The following FAM186B variants were observed in gnomAD, a reference collection of about 807,000 sequenced individuals.
FAM186B encodes the protein family with sequence similarity 186 member B.
A neutral mutation model predicts 83.4 loss-of-function variants in FAM186B; 68 were observed. The observed-to-expected ratio is 0.81, with a 90% CI of 0.67 to 1.00. FAM186B has a LOEUF of 1.00. Ranked by LOEUF, FAM186B falls within the 50% of genes least tolerant of loss-of-function variation. FAM186B has a pLI of 0.00. For synonymous variants in FAM186B, 389 were observed against 422.0 expected (o/e 0.92, Z 0.96); for missense variants, 983 against 1,099.2 (o/e 0.89, Z 1.49).
intron 5 of FAM186B, among the ~76,000 whole-genome samples, chr12:49,594,866 C>T (rs1297006811): frequency 6.7e-6 from 1 of 149,552 alleles, no homozygotes; most frequent in Non-Finnish European, 1.5e-5. Context: ...CAGAGCAAGA[C>T]TCTGTCTCAA....
intron 6 of FAM186B, 33 bp from the exon 7 acceptor site, chr12:49,587,785 C>T: frequency 6.3e-7 from 1 of 1,591,230 alleles, no homozygotes; most frequent in South Asian, 1.2e-5. Flanking sequence ...ATGTGAAAAG[C>T]AACAGAGAGA....
At chr12:49,601,307 G>C (rs1318886040) in intron 3 of FAM186B, among the ~76,000 whole-genome samples, 173 bp from the exon 4 acceptor site, 1 of 152,200 alleles carries the variant, frequency 6.6e-6, no homozygotes, top group Admixed American at 6.5e-5. Context: ...GACCTCTGCT[G>C]AGTGCAGAGC....
In FAM186B at chr12:49,604,330, C is replaced by G; in HGVS notation, c.305G>C (p.Arg102Pro). 1 of 1,613,604 alleles carries G rather than the reference C, an allele frequency of 6.2e-7. No homozygotes were observed. The highest frequency in any genetic ancestry group is 8.5e-7 in the Non-Finnish European group (1 of 1,179,498). ...MKEKHLYDIL[R>P]WLGDWGDTLT... ...AAACTCACCCCAGTCACCCAGCCAG[C>G]GGAGAATGTCATACAGGTGCTTCTC... Residue 102 changes from arginine to proline, a missense_variant, in exon 2 of 7, where the codon CGC (arginine) becomes CCC (proline). Transcript: ENST00000257894.
chr12:49,603,440 A>T (rs1225526143), intron 2 of FAM186B, 73 bp from the exon 3 acceptor site: 3 of 1,475,556 alleles, frequency 2.0e-6, no homozygotes, highest in Non-Finnish European at 2.8e-6. Context: ...CCTATAGCAC[A>T]GGGGTTCCAG....
intron 5 of FAM186B, among the ~76,000 whole-genome samples, chr12:49,597,222 TAAC>T (rs1237485591): frequency 2.0e-5 from 3 of 152,258 alleles, no homozygotes; most frequent in Non-Finnish European, 2.9e-5. Context: ...ACATTTCCCA[TAAC>T]AACCCCATCA....
the FAM186B span, among the ~76,000 whole-genome samples, chr12:49,619,988 T>A: frequency 3.9e-5 from 6 of 152,178 alleles, no homozygotes; most frequent in East Asian, 1.2e-3. Context: ...ATCTCATTAT[T>A]GAAGCTACAT....
intron 3 of FAM186B, among the ~76,000 whole-genome samples, chr12:49,601,610 A>C (rs1474673801): frequency 6.8e-6 from 1 of 146,802 alleles, no homozygotes; most frequent in South Asian, 2.1e-4. Context: ...CCAACTGTTC[A>C]CATGTTTTAT....
At position 49,599,537 on chromosome 12, in the gene FAM186B, C is replaced by T. The variant is rs1342608234; in HGVS notation, c.2103G>A (p.Glu701=). 6.2e-7 allele frequency: 1 copy of T among 1,606,108 alleles called. No individual in the cohort carries two copies. The change falls in exon 4 of 7, where the codon GAG becomes GAA. Residue 701 remains glutamate (E), a synonymous_variant. Coordinates refer to ENST00000257894, the MANE Select transcript of FAM186B (RefSeq NM_032130.3). ...GGTACTGCAGCCTGAGCGCGCCCAGCTCCATGGTGGTGGTGGTGAGCTCCA... is the reference window on the plus strand; with the variant it reads ...GGTACTGCAGCCTGAGCGCGCCCAGTTCCATGGTGGTGGTGGTGAGCTCCA... ...KALELTTTTM[E]LGALRLQYLC... is the part of the protein sequence containing the mutation.
Position 49,587,615 on chromosome 12 carries a change from A to G in FAM186B, c.2672T>C (p.Leu891Pro). Residue 891 changes from leucine to proline, a missense_variant, in exon 7 of 7, where the codon CTG becomes CCG. Transcript: ENST00000257894. ...GHPDIPRLLT[L>P]DV ...TTTGTGGCAGGAGGACTACACGTCC[A>G]GTGTCAACAGCCGGGGAATATCTGG... 4 of 1,613,366 alleles carry G rather than the reference A, an allele frequency of 2.5e-6. No homozygotes were observed. The highest frequency in any genetic ancestry group is 1.7e-4 in the Middle Eastern group (1 of 6,060).
chr12:49,601,149 G>A lies in FAM186B; in HGVS notation c.506-15C>T, dbSNP rs1243257866. 6.6e-7 allele frequency: 1 copy of A among 1,525,276 alleles called. No individual in the cohort carries two copies. Among genetic ancestry groups the A allele is most frequent in the Non-Finnish European group, 8.8e-7 (1 of 1,136,668 alleles). 94.5% of individuals were successfully genotyped at this position (1,525,276 alleles called of 1,614,324 possible). ...GCGTTTGGACACTGGGACAGGTAGA[G>A]AGAAAAAAGTCAACGATTTCTCATG... On this transcript the variant is annotated splice_polypyrimidine_tract_variant and intron_variant, in intron 3 of 6. Coordinates refer to ENST00000257894, the MANE Select transcript of FAM186B (RefSeq NM_032130.3).
At chr12:49,604,188 T>A in intron 2 of FAM186B, 125 bp downstream of exon 2, 1 of 705,276 alleles carries the variant, frequency 1.4e-6, no homozygotes, top group Non-Finnish European at 2.4e-6. Flanking sequence ...AGCATGGAGG[T>A]GATGTGCTGT....
rs185453954 is a variant in FAM186B, at chr12:49,588,718, G to T, written c.2365-95C>A. The stretch of plus-strand genomic sequence containing the variant: ...TGTCTGTTTGTTGGTGCCCCTGCTG[G>T]ACTCAGGGCTGAGTGGAGAGGGTAA... On this transcript the variant is annotated intron_variant, in intron 5 of 6. Coordinates refer to ENST00000257894, the MANE Select transcript of FAM186B (RefSeq NM_032130.3). The T allele has an allele frequency of 4.9e-3, 6,319 of 1,302,384 alleles. 29 individuals carry two copies. Among genetic ancestry groups the T allele is most frequent in the Non-Finnish European group, 5.4e-3 (5,151 of 950,626 alleles). 80.7% of individuals were successfully genotyped at this position (1,302,384 alleles called of 1,614,324 possible).
the FAM186B span, among the ~76,000 whole-genome samples, chr12:49,611,389 A>C: frequency 6.6e-6 from 1 of 151,364 alleles, no homozygotes. Context: ...AAAAAATACA[A>C]ATACAAATAC....
In FAM186B at chr12:49,600,549, T is replaced by A; in HGVS notation, c.1091A>T (p.Glu364Val). ...MEESQQEPMK[E>V]EQLFSPLPPS... Reference sequence around the variant, plus strand: ...GGGAAGTGGCGAGAACAACTGCTCCTCCTTCATCGGTTCCTGTTGGCTTTC... The same window carrying A: ...GGGAAGTGGCGAGAACAACTGCTCCACCTTCATCGGTTCCTGTTGGCTTTC... Residue 364 changes from glutamate to valine, a missense_variant, in exon 4 of 7, where the codon GAG becomes GTG. By Grantham distance (121) the Glu-to-Val change is moderately radical. Transcript: ENST00000257894. This position sits in a 1 kb window ranked among gnomAD's most constrained non-coding sequence, Gnocchi z 4.3. The A allele has an allele frequency of 6.2e-7, 1 of 1,613,904 alleles. No homozygotes were observed. Among genetic ancestry groups the A allele is most frequent in the Non-Finnish European group, 8.5e-7 (1 of 1,179,912 alleles).
the FAM186B span, among the ~76,000 whole-genome samples, chr12:49,618,416 GTCAGCTTT>G: frequency 6.6e-6 from 1 of 151,360 alleles, no homozygotes; most frequent in Non-Finnish European, 1.5e-5. Context: ...AATGCTTCCA[GTCAGCTTT>G]TAGGTGACCC....
At chr12:49,610,956 C>G in the FAM186B span, among the ~76,000 whole-genome samples, 1 of 151,904 alleles carries the variant, frequency 6.6e-6, no homozygotes, top group Non-Finnish European at 1.5e-5. Context: ...TAAAAATGAA[C>G]AAGGCCAGGC....
Sources: allele counts gnomAD v4.1 joint callset (sites outside exome capture counted in the v4.1 genomes callset), GRCh38; gene constraint gnomAD v4.1.1; non-coding constraint Gnocchi (gnomAD v3.1); transcripts MANE v1.5; gene names NCBI Gene and HGNC (gene_info 2026-07-23, HGNC 2026-07-21).